The following LRRIQ1 variants were observed in gnomAD, a reference collection of about 807,000 sequenced individuals.
LRRIQ1 encodes leucine-rich repeat- and IQ domain-containing protein 1.
Under a neutral mutation model 211.9 loss-of-function variants are expected in LRRIQ1, and 210 were observed. The observed-to-expected ratio is 0.99, with a 90% confidence interval of 0.89 to 1.11. The LOEUF is 1.11. LRRIQ1 is among the 50% of genes most tolerant of loss of function. The pLI is 0.00. For missense variants in LRRIQ1, 2,136 were observed against 1,939.5 expected (o/e 1.10, Z -1.90); for synonymous variants, 699 against 650.1 (o/e 1.08, Z -1.14).
In LRRIQ1 at chr12:85,056,693, G is replaced by T. The variant is rs1565793421; in HGVS notation, c.1900G>T (p.Glu634Ter). 1 of 1,606,304 alleles carries T rather than the reference G, an allele frequency of 6.2e-7. No homozygotes were observed. Among genetic ancestry groups the T allele is most frequent in the Non-Finnish European group, 8.5e-7 (1 of 1,177,320 alleles). ...AGAAAACGTAATATTACAAGAAAAA[G>T]AAATTTATTCAAAATCCAAAGAAAT... ...VRENVILQEKEIYSKSKEIEE... is the reference protein window; with the variant it reads ...VRENVILQEK Residue 634 changes from glutamate (E) to a stop codon, truncating the protein, a stop_gained, in exon 8 of 27, where the codon GAA (glutamate) becomes TAA (stop). Coordinates refer to ENST00000393217, the MANE Select transcript of LRRIQ1 (RefSeq NM_001079910.2). LOFTEE classifies it high-confidence loss of function.
intron 24 of LRRIQ1, among the ~76,000 whole-genome samples, chr12:85,197,930 T>A (rs1174837433): frequency 5.4e-5 from 6 of 110,444 alleles, no homozygotes; most frequent in Non-Finnish European, 9.0e-5. Context: ...ATATATAATA[T>A]AATTATATAT....
intron 10 of LRRIQ1, 75 bp from the exon 11 acceptor site, chr12:85,072,832 C>G (rs1883235914): frequency 1.0e-6 from 1 of 988,898 alleles, no homozygotes; most frequent in Non-Finnish European, 1.4e-6. Context: ...AAATTTTTTT[C>G]TCATATAAGC....
intron 1 of LRRIQ1, among the ~76,000 whole-genome samples, chr12:85,037,327 C>T (rs997555329): frequency 1.6e-4 from 25 of 151,992 alleles, no homozygotes; most frequent in Admixed American, 3.3e-4. Context: ...ACTCTCCTGC[C>T]TCTCTTTCTA....
intron 8 of LRRIQ1, among the ~76,000 whole-genome samples, chr12:85,062,980 G>A (rs1303116229): frequency 6.6e-6 from 1 of 151,598 alleles, no homozygotes; most frequent in Non-Finnish European, 1.5e-5. Flanking sequence ...TCTTATGTTT[G>A]TTGGCCACGT....
At chr12:85,165,102 G>C (rs1021636371) in intron 24 of LRRIQ1, among the ~76,000 whole-genome samples, 1 of 152,020 alleles carries the variant, frequency 6.6e-6, no homozygotes, top group Non-Finnish European at 1.5e-5. Flanking sequence ...TAAATATCAA[G>C]TCTGTGAGAT....
At chr12:85,152,258 C>T in intron 19 of LRRIQ1, 22 bp from the exon 20 acceptor site, 1 of 1,575,450 alleles carries the variant, frequency 6.3e-7, no homozygotes, top group Non-Finnish European at 8.7e-7. Context: ...AAATTACATA[C>T]ATTTTAATAT....
intron 4 of LRRIQ1, 92 bp from the exon 5 acceptor site, chr12:85,045,928 T>A (rs1362539951): frequency 2.8e-5 from 16 of 575,586 alleles, no homozygotes; most frequent in Non-Finnish European, 4.7e-5. Context: ...ATTCTTGGTA[T>A]ATACATATAA....
downstream of LRRIQ1, among the ~76,000 whole-genome samples, chr12:85,268,094 A>G (rs1469414538): frequency 6.6e-6 from 1 of 152,014 alleles, no homozygotes; most frequent in African/African-American, 2.4e-5. Context: ...AATTGGATCA[A>G]TTCGACATAC....
At chr12:85,239,370 C>CAT (rs1365238877) in intron 26 of LRRIQ1, among the ~76,000 whole-genome samples, 13 of 151,544 alleles carry the variant, frequency 8.6e-5, no homozygotes, top group Middle Eastern at 3.2e-3. Context: ...CACACACACA[C>CAT]ACACACACAC....
chr12:85,162,873 G>C, intron 24 of LRRIQ1: 1 of 426,944 alleles, frequency 2.3e-6, no homozygotes. Flanking sequence ...ATGTGCTATA[G>C]GTTTTTGTTG....
chr12:85,266,768 G>A (rs1896429603), downstream of LRRIQ1, among the ~76,000 whole-genome samples: 1 of 152,152 alleles, frequency 6.6e-6, no homozygotes, highest in Non-Finnish European at 1.5e-5. Flanking sequence ...GAGTGAGTGA[G>A]AACTTACTTG....
At chr12:85,217,348 TGTAAA>T (rs1894137325) in intron 24 of LRRIQ1, among the ~76,000 whole-genome samples, 1 of 150,224 alleles carries the variant, frequency 6.7e-6, no homozygotes, top group Non-Finnish European at 1.5e-5. Context: ...AAATAAAAGT[TGTAAA>T]GGAAATAAAA....
chr12:85,232,575 A>G, intron 25 of LRRIQ1, 121 bp from the exon 26 acceptor site: 1 of 733,804 alleles, frequency 1.4e-6, no homozygotes, highest in Non-Finnish European at 2.3e-6. Context: ...TAATTTAAGA[A>G]AACTGTTGTT....
intron 19 of LRRIQ1, among the ~76,000 whole-genome samples, chr12:85,139,482 G>T (rs1889366410): frequency 1.3e-5 from 2 of 151,284 alleles, no homozygotes; most frequent in Admixed American, 6.6e-5. Context: ...ATAGTCTTAT[G>T]GTTTCATGTG....
At chr12:85,248,910 A>G (rs1167086986), downstream of LRRIQ1, among the ~76,000 whole-genome samples, 3 of 151,808 alleles carry the variant, frequency 2.0e-5, no homozygotes, top group African/African-American at 4.8e-5. Context: ...AGTAAGTAAT[A>G]TAAGGTTGGA....
intron 13 of LRRIQ1, among the ~76,000 whole-genome samples, chr12:85,102,987 T>TATATATATATATATATATATATA (rs1592801233): frequency 2.1e-5 from 3 of 142,426 alleles, no homozygotes; most frequent in South Asian, 2.2e-4. Flanking sequence ...TATATATATA[T>TATATATATATATATATATATATA]TTTACTAAGG....
chr12:85,217,687 T>C (rs1220947952), intron 24 of LRRIQ1, among the ~76,000 whole-genome samples: 1 of 127,198 alleles, frequency 7.9e-6, no homozygotes, highest in East Asian at 2.0e-4. Context: ...TATGTATATA[T>C]GTGTATATAT....
At chr12:85,175,450 G>A (rs2136841444) in intron 24 of LRRIQ1, among the ~76,000 whole-genome samples, 1 of 152,244 alleles carries the variant, frequency 6.6e-6, no homozygotes, top group African/African-American at 2.4e-5. Flanking sequence ...AGAAGAAAAA[G>A]ACTTCCAGGT....
intron 11 of LRRIQ1, among the ~76,000 whole-genome samples, chr12:85,091,449 C>G (rs748751704): frequency 1.1e-4 from 16 of 152,098 alleles, no homozygotes; most frequent in Non-Finnish European, 1.9e-4. Flanking sequence ...TATAGGTTGT[C>G]TGTTTACTCT....
Sources: gnomAD v4.1 joint callset for allele counts (sites outside exome capture counted in the v4.1 genomes callset) on GRCh38, gnomAD v4.1.1 for gene constraint, MANE v1.5 for transcripts, NCBI Gene and HGNC (gene_info 2026-07-23, HGNC 2026-07-21) for gene names.